The following ATRN variants were observed in gnomAD, a reference collection of about 807,000 sequenced individuals.
ATRN encodes the protein attractin-2.
A neutral mutation model predicts 178.7 loss-of-function variants in ATRN; 54 were observed. The ratio of observed to expected loss-of-function variants is 0.30; its 90% CI spans 0.24 to 0.38. The LOEUF is 0.38. ATRN is among the 10% of genes least tolerant of loss of function. The pLI is 1.00. For synonymous variants in ATRN, 636 were observed against 663.0 expected, an observed-to-expected ratio of 0.96 and a Z score of 0.63; for missense variants, 1,443 against 1,815.1, an observed-to-expected ratio of 0.79 and a Z score of 3.73.
intron 1 of ATRN, among the ~76,000 whole-genome samples, chr20:3,530,217 TTA>T (rs565915184): frequency 9.5e-5 from 14 of 147,104 alleles, no homozygotes; most frequent in Admixed American, 4.8e-4. Flanking sequence ...GGTATGAGAT[TTA>T]TATATATATA....
chr20:3,564,298 T>C (rs917260737), intron 10 of ATRN, among the ~76,000 whole-genome samples: 6 of 152,202 alleles, frequency 3.9e-5, no homozygotes, highest in African/African-American at 7.2e-5. Context: ...CTTTAAGTCA[T>C]GGAGGGTAGA....
At chr20:3,594,356 G>C (rs896323132) in intron 19 of ATRN, 123 bp from the exon 20 acceptor site, 1 of 619,304 alleles carries the variant, frequency 1.6e-6, no homozygotes, top group South Asian at 2.9e-5. Context: ...TTGAATGCTC[G>C]TACTTTAATC....
intron 1 of ATRN, among the ~76,000 whole-genome samples, chr20:3,515,468 G>A (rs975499303): frequency 6.6e-6 from 1 of 152,142 alleles, no homozygotes; most frequent in African/African-American, 2.4e-5. Context: ...CCAGAGTGGA[G>A]GGTTTTGGGG....
intron 1 of ATRN, among the ~76,000 whole-genome samples, chr20:3,528,266 G>T (rs1170641257): frequency 6.6e-6 from 1 of 151,998 alleles, no homozygotes; most frequent in African/African-American, 2.4e-5. Flanking sequence ...TACTCAGGAG[G>T]CTGAGGCAGA....
At chr20:3,606,156 C>T (rs559417073) in intron 24 of ATRN, among the ~76,000 whole-genome samples, 6 of 152,294 alleles carry the variant, frequency 3.9e-5, no homozygotes, top group African/African-American at 9.6e-5. Flanking sequence ...GCATCAGCCA[C>T]GCTTCTTATT....
chr20:3,637,598 C>T (rs1371632046), intron 26 of ATRN, among the ~76,000 whole-genome samples: 1 of 152,208 alleles, frequency 6.6e-6, no homozygotes. Context: ...TATCCCAAGG[C>T]ATAACCTCAA....
At chr20:3,502,826 T>C (rs574510855) in intron 1 of ATRN, among the ~76,000 whole-genome samples, 1 of 152,260 alleles carries the variant, frequency 6.6e-6, no homozygotes, top group Non-Finnish European at 1.5e-5. Flanking sequence ...AAAAAGGACA[T>C]AGCCACAGCA....
chr20:3,575,781 C>G (rs1246131889), intron 12 of ATRN, 46 bp from the exon 13 acceptor site: 1 of 1,541,804 alleles, frequency 6.5e-7, no homozygotes, highest in Non-Finnish European at 8.8e-7. Flanking sequence ...TCAGATTTTG[C>G]TCAATTGAAG....
At chr20:3,606,650 G>A (rs1042790613) in intron 24 of ATRN, among the ~76,000 whole-genome samples, 11 of 152,188 alleles carry the variant, frequency 7.2e-5, no homozygotes, top group African/African-American at 2.7e-4. Context: ...TGTTGTACAA[G>A]CTAGGGCCTG....
In ATRN at chr20:3,572,798, C is replaced by G. The variant is rs758993798; in HGVS notation, c.1939C>G (p.Gln647Glu). 4.3e-6 allele frequency: 7 copies of G among 1,614,004 alleles called. No homozygotes were observed. The East Asian group carries it at 1.3e-4, about 31-fold the overall frequency. The change falls in exon 12 of 29, where the codon CAG becomes GAG. Residue 647 changes from glutamine (Q) to glutamate (E), a missense_variant. Coordinates refer to ENST00000262919, the MANE Select transcript of ATRN (RefSeq NM_139321.3). ...CGACATCCTGGTATTCACCTCGGAA[C>G]AGTGTGATGCGCATCGGAGTGAAGC... ...LSDILVFTSE[Q>E]CDAHRSEAAC...
chr20:3,572,679 C>A, intron 11 of ATRN, 52 bp from the exon 12 acceptor site: 1 of 1,466,120 alleles, frequency 6.8e-7, no homozygotes, highest in South Asian at 1.2e-5. Context: ...GTATAGCATC[C>A]AATTGTTATC....
Position 3,628,997 on chromosome 20 carries a change from T to A in ATRN, c.3863+4425T>A, listed in dbSNP as rs117261629. Reference sequence around the variant, plus strand: ...TGCCCAGAAGTGACCAATTCCATCCTTCCTCACCGGTGTTCCCCACCTCAC... The same window carrying A: ...TGCCCAGAAGTGACCAATTCCATCCATCCTCACCGGTGTTCCCCACCTCAC... On this transcript the variant is annotated intron_variant, in intron 25 of 28. Transcript: ENST00000262919. The A allele has an allele frequency of 3.9e-3, 3,824 of 985,314 alleles. 18 individuals carry two copies. The highest frequency in any genetic ancestry group is 0.02 in the East Asian group (178 of 8,810). The allele number at this position is 985,314 out of a possible 1,614,324, so 61.0% of individuals were successfully genotyped here.
At chr20:3,605,161 A>ACATCACTGAT (rs1319449306) in intron 24 of ATRN, among the ~76,000 whole-genome samples, 1 of 152,202 alleles carries the variant, frequency 6.6e-6, no homozygotes, top group African/African-American at 2.4e-5. Flanking sequence ...AAAAAGTTCA[A>ACATCACTGAT]CATCACTGAT....
intron 6 of ATRN, among the ~76,000 whole-genome samples, chr20:3,555,249 C>T (rs528059500): frequency 1.1e-4 from 16 of 151,888 alleles, no homozygotes; most frequent in Non-Finnish European, 1.0e-4. Flanking sequence ...GTGATCCACC[C>T]GCCTCGGCCT....
intron 12 of ATRN, among the ~76,000 whole-genome samples, chr20:3,573,234 G>A (rs2086153783): frequency 6.6e-6 from 1 of 152,158 alleles, no homozygotes; most frequent in Non-Finnish European, 1.5e-5. Flanking sequence ...GGCTGCAGTT[G>A]CTCTGAGGCA....
chr20:3,513,599 T>C (rs1315088917), intron 1 of ATRN, among the ~76,000 whole-genome samples: 1 of 152,206 alleles, frequency 6.6e-6, no homozygotes, highest in African/African-American at 2.4e-5. Context: ...TGGGCTCTTT[T>C]TTGGTTCCAT....
At chr20:3,577,652 T>G (rs568845845) in intron 14 of ATRN, among the ~76,000 whole-genome samples, 2 of 152,264 alleles carry the variant, frequency 1.3e-5, no homozygotes, top group East Asian at 3.9e-4. Flanking sequence ...CCCTTGGAAG[T>G]TTTTGATTCA....
chr20:3,559,411 G>A lies in ATRN; in HGVS notation c.1131G>A (p.Arg377=). Residue 377 remains arginine, a synonymous_variant, in exon 7 of 29, where the codon AGG becomes AGA. Transcript: ENST00000262919. ...TTTGTAGGTATGACCTTGCTTCTAG[G>A]GAGTGGCTTCCACTAAACCGTTCTG... ...NMVLAYDLAS[R]EWLPLNRSVN... is the part of the protein sequence containing the mutation. 6.2e-7 allele frequency: 1 copy of A among 1,613,564 alleles called. No individual in the cohort carries two copies.
intron 1 of ATRN, among the ~76,000 whole-genome samples, chr20:3,487,128 A>C (rs1270304861): frequency 6.6e-6 from 1 of 152,116 alleles, no homozygotes; most frequent in Non-Finnish European, 1.5e-5. Context: ...CAGTGACTGT[A>C]TTTTTAATTT....
Sources: gnomAD v4.1 joint callset for allele counts (sites outside exome capture counted in the v4.1 genomes callset) on GRCh38, gnomAD v4.1.1 for gene constraint, MANE v1.5 for transcripts, NCBI Gene and HGNC (gene_info 2026-07-23, HGNC 2026-07-21) for gene names.